The following FNIP2 variants were observed in gnomAD, a reference collection of about 807,000 sequenced individuals.
FNIP2 encodes folliculin-interacting protein 2.
Under a neutral mutation model 108.7 loss-of-function variants are expected in FNIP2, and 32 were observed. The observed-to-expected ratio is 0.29, with a 90% confidence interval of 0.22 to 0.40. FNIP2 has a LOEUF of 0.40. Ranked by LOEUF, FNIP2 falls within the 10% of genes least tolerant of loss-of-function variation. FNIP2 has a pLI of 1.00. For missense variants in FNIP2, 1,202 were observed against 1,381.6 expected (o/e 0.87, Z 2.06); for synonymous variants, 480 against 496.7 (o/e 0.97, Z 0.45).
In FNIP2 at chr4:158,861,336, C is replaced by G. The variant is rs1780281972; in HGVS notation, c.1149-6C>G. The G allele has an allele frequency of 6.2e-7, 1 of 1,610,516 alleles. No homozygotes were observed. Among genetic ancestry groups the G allele is most frequent in the Admixed American group, 1.7e-5 (1 of 59,230 alleles). On this transcript the variant is annotated splice_region_variant and splice_polypyrimidine_tract_variant and intron_variant, in intron 10 of 16. Transcript: ENST00000264433. The stretch of plus-strand genomic sequence containing the variant: ...TTTTGTGTTTCCCTCTCTTTCTGTT[C>G]TATAGAGGAACTATCTGGAACTTAT...
chr4:158,782,843 G>T (rs1374283580), intron 1 of FNIP2, among the ~76,000 whole-genome samples: 1 of 152,132 alleles, frequency 6.6e-6, no homozygotes, highest in Non-Finnish European at 1.5e-5. Flanking sequence ...TTGTATGTAG[G>T]GGGTGGGTGC....
chr4:158,870,183 A>G, intron 13 of FNIP2, 130 bp from the exon 14 acceptor site: 1 of 923,554 alleles, frequency 1.1e-6, no homozygotes, highest in Non-Finnish European at 1.6e-6. Context: ...CACTTACTTG[A>G]GGGTTGGTGA....
intron 15 of FNIP2, among the ~76,000 whole-genome samples, chr4:158,892,141 CTTTT>C (rs34895070): frequency 8.8e-6 from 1 of 113,506 alleles, no homozygotes. Context: ...TCAATTGTTG[CTTTT>C]TTTTTTTTTT....
intron 14 of FNIP2, among the ~76,000 whole-genome samples, chr4:158,881,887 G>A (rs1178057558): frequency 6.6e-6 from 1 of 152,196 alleles, no homozygotes; most frequent in African/African-American, 2.4e-5. Flanking sequence ...TCTGGGAAGT[G>A]AGGAGCGTCT....
intron 1 of FNIP2, among the ~76,000 whole-genome samples, chr4:158,810,004 A>G (rs1477267939): frequency 6.6e-6 from 1 of 152,204 alleles, no homozygotes; most frequent in Non-Finnish European, 1.5e-5. Flanking sequence ...AGATAAGCTG[A>G]CCATGATTTT....
Position 158,825,928 on chromosome 4 carries a change from G to C in FNIP2, c.120G>C (p.Ser40=), listed in dbSNP as rs890499630. ...TTTTAATCCACAGTTGGTCATGTTC[G>C]GAGTTTGACCTGAATGAGATTCGCC... The part of the protein sequence containing the change: ...KEGPAFSWSC[S]EFDLNEIRLI... Residue 40 remains serine, a synonymous_variant, in exon 2 of 17, where the codon TCG becomes TCC. Coordinates refer to ENST00000264433, the MANE Select transcript of FNIP2 (RefSeq NM_020840.3). 3.7e-6 allele frequency: 6 copies of C among 1,606,816 alleles called. No homozygotes were observed. Among genetic ancestry groups the C allele is most frequent in the Non-Finnish European group, 5.1e-6 (6 of 1,174,206 alleles).
intron 7 of FNIP2, among the ~76,000 whole-genome samples, chr4:158,845,683 A>C (rs978039988): frequency 6.6e-6 from 1 of 152,224 alleles, no homozygotes; most frequent in East Asian, 1.9e-4. Flanking sequence ...ATTCAGATAC[A>C]CTGATGTTGA....
At position 158,868,103 on chromosome 4, in the gene FNIP2, T is replaced by A; in HGVS notation, c.1467T>A (p.Gly489=). The change falls in exon 13 of 17, where the codon GGT becomes GGA. Residue 489 remains glycine, a splice_region_variant and synonymous_variant. Coordinates refer to ENST00000264433, the MANE Select transcript of FNIP2 (RefSeq NM_020840.3). The surrounding 1 kb of genome is among the most constrained non-coding windows in gnomAD (Gnocchi z 4.6). ...TTTGTGTCCACCTTTGCTCTCTAGG[T>A]GATCTTTACGGAGCCATAGGCTCTC... ...HPYNPLWAQL[G]DLYGAIGSPV... is the part of the protein sequence containing the mutation. The A allele has an allele frequency of 6.2e-7, 1 of 1,613,178 alleles. No homozygotes were observed. The highest frequency in any genetic ancestry group is 1.1e-5 in the South Asian group (1 of 91,018).
intron 1 of FNIP2, among the ~76,000 whole-genome samples, chr4:158,781,028 CCTT>C (rs1451630255): frequency 2.8e-5 from 3 of 106,874 alleles, no homozygotes; most frequent in African/African-American, 9.5e-5. Flanking sequence ...GAGGGAGAGT[CCTT>C]CTCAAAAAAA....
chr4:158,851,211 A>G (rs1021245463), intron 7 of FNIP2, 110 bp from the exon 8 acceptor site: 25 of 1,278,526 alleles, frequency 2.0e-5, no homozygotes, highest in Admixed American at 4.0e-5. Flanking sequence ...TATTAAATAC[A>G]TAATAAATGT....
intron 14 of FNIP2, among the ~76,000 whole-genome samples, chr4:158,885,679 T>G (rs1781990137): frequency 6.6e-6 from 1 of 152,220 alleles, no homozygotes; most frequent in Admixed American, 6.5e-5. Context: ...CACAGAAAAC[T>G]TGTGCTTTAA....
Position 158,826,015 on chromosome 4 carries a change from T to C in FNIP2, c.207T>C (p.Val69=). The change falls in exon 2 of 17, where the codon GTT becomes GTC. Residue 69 remains valine (V), a synonymous_variant. Coordinates refer to ENST00000264433, the MANE Select transcript of FNIP2 (RefSeq NM_020840.3). ...GRQVLFDSKA[V]QKIEEVTAQK... is the part of the protein sequence containing the mutation. ...AAGTCTTGTTTGACTCTAAAGCTGT[T>C]CAAAAGATTGAGGAGGTGACAGCTC... 6.2e-7 allele frequency: 1 copy of C among 1,608,282 alleles called. No individual in the cohort carries two copies. The highest frequency in any genetic ancestry group is 8.5e-7 in the Non-Finnish European group (1 of 1,175,210).
At chr4:158,808,961 C>T (rs922539412) in intron 1 of FNIP2, among the ~76,000 whole-genome samples, 2 of 152,136 alleles carry the variant, frequency 1.3e-5, no homozygotes, top group African/African-American at 4.8e-5. Context: ...TGTCTCATTG[C>T]GGTTCATGTA....
chr4:158,774,606 A>G (rs1402294762), intron 1 of FNIP2, among the ~76,000 whole-genome samples: 1 of 152,016 alleles, frequency 6.6e-6, no homozygotes, highest in Non-Finnish European at 1.5e-5. Flanking sequence ...CTCATTATAA[A>G]CCTCAGAGGC....
chr4:158,866,502 G>A (rs973306631), intron 12 of FNIP2, among the ~76,000 whole-genome samples: 1 of 151,708 alleles, frequency 6.6e-6, no homozygotes, highest in Admixed American at 6.6e-5. Context: ...ACAGGTGTGA[G>A]CCACCGTGCC....
chr4:158,825,703 A>G (rs954844355), intron 1 of FNIP2, among the ~76,000 whole-genome samples: 4 of 152,270 alleles, frequency 2.6e-5, no homozygotes, highest in African/African-American at 7.2e-5. Flanking sequence ...CCTTATCATG[A>G]AAACTGGCAA....
chr4:158,783,802 T>C (rs937433117), intron 1 of FNIP2, among the ~76,000 whole-genome samples: 1 of 152,200 alleles, frequency 6.6e-6, no homozygotes, highest in Non-Finnish European at 1.5e-5. Flanking sequence ...TTCCAGAGCC[T>C]GGACCAGTTC....
chr4:158,835,335 A>T, intron 6 of FNIP2, 70 bp from the exon 7 acceptor site: 1 of 1,318,822 alleles, frequency 7.6e-7, no homozygotes, highest in Non-Finnish European at 1.1e-6. Context: ...TTTAAAAATT[A>T]CTGCAGTCAT....
intron 12 of FNIP2, among the ~76,000 whole-genome samples, chr4:158,867,332 A>G (rs922616408): frequency 1.3e-5 from 2 of 152,132 alleles, no homozygotes; most frequent in Non-Finnish European, 2.9e-5. Flanking sequence ...AGCTGGGACT[A>G]CAGGTGCACA....
Sources: gnomAD v4.1 joint callset for allele counts (sites outside exome capture counted in the v4.1 genomes callset) on GRCh38, gnomAD v4.1.1 for gene constraint, Gnocchi (gnomAD v3.1) non-coding constraint, MANE v1.5 for transcripts, NCBI Gene and HGNC (gene_info 2026-07-23, HGNC 2026-07-21) for gene names.